Variants in ACSS1 observed in about 807,000 individuals in gnomAD.
The protein encoded by ACSS1 is acetyl-coenzyme A synthetase 2-like, mitochondrial.
A neutral mutation model predicts 75.3 loss-of-function variants in ACSS1; 42 were observed. That is an observed-to-expected ratio of 0.56 (90% CI 0.44 to 0.72). ACSS1 has a LOEUF of 0.72. ACSS1 is among the 30% of genes least tolerant of loss of function. The pLI is 0.00. For synonymous variants in ACSS1, 380 were observed against 376.8 expected, an observed-to-expected ratio of 1.01 and a Z score of -0.10; for missense variants, 782 against 935.7, an observed-to-expected ratio of 0.84 and a Z score of 2.14.
chr20:25,015,113 G>T, intron 8 of ACSS1, 25 bp downstream of exon 8: 1 of 1,593,316 alleles, frequency 6.3e-7, no homozygotes, highest in South Asian at 1.1e-5. Context: ...ACTTAGACCG[G>T]AACCTGTTCC....
At chr20:25,013,739 C>T in intron 9 of ACSS1, 77 bp from the exon 10 acceptor site, 2 of 1,524,704 alleles carry the variant, frequency 1.3e-6, no homozygotes, top group Non-Finnish European at 1.8e-6. Context: ...AAGCCCTGCC[C>T]TCAAGGGAGC....
chr20:25,045,962 G>A (rs2122742288), intron 2 of ACSS1: 1 of 152,146 alleles, frequency 6.6e-6, no homozygotes, highest in East Asian at 1.9e-4. Flanking sequence ...GTCTGACTCT[G>A]TCACCCAGGA....
chr20:25,027,120 G>C (rs867502033), intron 3 of ACSS1, among the ~76,000 whole-genome samples: 1 of 152,176 alleles, frequency 6.6e-6, no homozygotes, highest in Admixed American at 6.5e-5. Flanking sequence ...TGTGACCTTA[G>C]GTAAGTCACT....
intron 10 of ACSS1, 76 bp from the exon 11 acceptor site, chr20:25,013,015 C>A (rs1289117607): frequency 6.2e-7 from 1 of 1,600,166 alleles, no homozygotes; most frequent in African/African-American, 1.3e-5. Context: ...AAGCGTGAAG[C>A]TCTGCAGCCC....
intron 1 of ACSS1, among the ~76,000 whole-genome samples, chr20:25,050,565 C>T (rs1369056885): frequency 3.3e-5 from 5 of 152,112 alleles, no homozygotes; most frequent in Admixed American, 1.3e-4. Context: ...GGAAGAGTGG[C>T]CTGCCCAGGT....
At position 25,009,262 on chromosome 20, in the gene ACSS1, C is replaced by T. The variant is rs2088365276; in HGVS notation, c.1890+8G>A. ...GCACAGCCCCATCTTTGTGGGAGGC[C>T]CACTCACCAGGATCTCATCAGGCAC... On this transcript the variant is annotated splice_region_variant and intron_variant, in intron 13 of 13. Transcript: ENST00000323482. The T allele has an allele frequency of 6.2e-7, 1 of 1,601,040 alleles. No homozygotes were observed. Among genetic ancestry groups the T allele is most frequent in the African/African-American group, 1.3e-5 (1 of 74,742 alleles).
chr20:25,042,717 G>T (rs530403479), intron 2 of ACSS1, among the ~76,000 whole-genome samples: 2 of 152,216 alleles, frequency 1.3e-5, no homozygotes, highest in African/African-American at 4.8e-5. Context: ...GCAAAGTCCC[G>T]CTGAGTACCG....
At chr20:25,036,187 C>T (rs570170349) in intron 2 of ACSS1, among the ~76,000 whole-genome samples, 3 of 152,238 alleles carry the variant, frequency 2.0e-5, no homozygotes, top group Non-Finnish European at 2.9e-5. Flanking sequence ...TGTACTCTGC[C>T]GGGTCAAGCT....
intron 10 of ACSS1, among the ~76,000 whole-genome samples, 197 bp from the exon 11 acceptor site, chr20:25,013,136 G>A (rs1464043745): frequency 2.0e-5 from 3 of 152,306 alleles, no homozygotes; most frequent in South Asian, 2.1e-4. Flanking sequence ...GGGAGCAGAA[G>A]GTATACAAGC....
rs1233928560 is a variant in ACSS1, at chr20:25,057,674, G to T, written c.334+95C>A. 2.3e-6 allele frequency: 3 copies of T among 1,305,442 alleles called. No homozygotes were observed. The East Asian group carries it at 7.8e-5, about 34-fold the overall frequency. The allele number at this position is 1,305,442 out of a possible 1,614,324, so 80.9% of individuals were successfully genotyped here. ...AGGGGCCCCTGCAGGGCTGCGATCCGCGCTGCCCGGGGACGGCTGCCGCTG... is the reference window on the plus strand; with the variant it reads ...AGGGGCCCCTGCAGGGCTGCGATCCTCGCTGCCCGGGGACGGCTGCCGCTG... On this transcript the variant is annotated intron_variant, in intron 1 of 13. Coordinates refer to ENST00000323482, the MANE Select transcript of ACSS1 (RefSeq NM_032501.4).
chr20:25,021,799 A>T (rs550008037), intron 5 of ACSS1, among the ~76,000 whole-genome samples: 1 of 152,348 alleles, frequency 6.6e-6, no homozygotes, highest in South Asian at 2.1e-4. Flanking sequence ...AAAAGCAAAA[A>T]AGGCCAAGAA....
At chr20:25,032,270 G>T (rs954341638) in intron 2 of ACSS1, 98 of 1,098,362 alleles carry the variant, frequency 8.9e-5, no homozygotes, top group Middle Eastern at 7.9e-4. Context: ...TGGGCAAGCT[G>T]ATTGGCTCAG....
Position 25,012,947 on chromosome 20 carries a change from A to G in ACSS1, c.1580-8T>C, listed in dbSNP as rs1600306736. On this transcript the variant is annotated splice_polypyrimidine_tract_variant and splice_region_variant and intron_variant, in intron 10 of 13. Transcript: ENST00000323482. ...CTCCAGTGAAGTAATAGCCTGCACC[A>G]CAGCAGGGAAATTCAGCACCAGGAA... The G allele has an allele frequency of 3.1e-6, 5 of 1,614,160 alleles. No individual in the cohort carries two copies. Among genetic ancestry groups the G allele is most frequent in the Non-Finnish European group, 3.4e-6 (4 of 1,180,018 alleles).
chr20:25,017,305 G>A (rs920491404), intron 7 of ACSS1, among the ~76,000 whole-genome samples: 20 of 152,222 alleles, frequency 1.3e-4, no homozygotes, highest in Admixed American at 9.2e-4. Context: ...GGATTCTGAC[G>A]ACTCAACGGA....
intron 1 of ACSS1, among the ~76,000 whole-genome samples, chr20:25,049,168 A>G (rs1428034826): frequency 1.3e-5 from 2 of 152,264 alleles, no homozygotes. Context: ...TTGAACTACT[A>G]TTAACAGAAA....
Position 25,042,113 on chromosome 20 carries a change from C to T in ACSS1, c.431+5972G>A, listed in dbSNP as rs149973270. Among the ~76,000 whole-genome samples, 42 of 152,258 alleles carry T rather than the reference C, an allele frequency of 2.8e-4. No homozygotes were observed. The East Asian group carries it at 7.5e-3, about 27-fold the overall frequency. Reference sequence around the variant, plus strand: ...TCCCCAACAAAGAGGTCTCTGTGGACATAAACTCCCTCAGTGTGGGTCACT... The same window carrying T: ...TCCCCAACAAAGAGGTCTCTGTGGATATAAACTCCCTCAGTGTGGGTCACT... On this transcript the variant is annotated intron_variant, in intron 2 of 13. Coordinates refer to ENST00000323482, the MANE Select transcript of ACSS1 (RefSeq NM_032501.4).
intron 2 of ACSS1, among the ~76,000 whole-genome samples, chr20:25,043,909 C>G (rs2089044169): frequency 6.6e-6 from 1 of 152,244 alleles, no homozygotes. Context: ...ACTTGGTCCT[C>G]TGGCTTAAGA....
intron 1 of ACSS1, among the ~76,000 whole-genome samples, chr20:25,049,856 C>T (rs533495494): frequency 2.1e-4 from 32 of 152,186 alleles, no homozygotes; most frequent in Non-Finnish European, 2.5e-4. Flanking sequence ...CAAAGTCCCC[C>T]GGTAACAGTC....
At chr20:25,030,666 G>T in intron 3 of ACSS1, 93 bp downstream of exon 3, 1 of 1,377,764 alleles carries the variant, frequency 7.3e-7, no homozygotes, top group Non-Finnish European at 1.0e-6. Context: ...ATTAATGTCT[G>T]CACTCTGATG....
Sources: gnomAD v4.1 joint callset for allele counts (sites outside exome capture counted in the v4.1 genomes callset) on GRCh38, gnomAD v4.1.1 for gene constraint, MANE v1.5 for transcripts, NCBI Gene and HGNC (gene_info 2026-07-23, HGNC 2026-07-21) for gene names.